NIPAL3: variants seen among roughly 807,000 people sequenced by gnomAD.
The protein encoded by NIPAL3 is NIPA-like protein 3.
NIPAL3 carries 41 observed loss-of-function variants against 47.2 expected under a neutral mutation model. The observed-to-expected ratio is 0.87, with a 90% confidence interval of 0.68 to 1.13. The LOEUF (loss-of-function observed/expected upper bound fraction) is 1.13. Ranked by LOEUF, NIPAL3 falls within the 50% of genes most tolerant of loss-of-function variation. NIPAL3 has a pLI of 0.00. For missense variants in NIPAL3, 449 were observed against 530.1 expected, an observed-to-expected ratio of 0.85 and a Z score of 1.50; for synonymous variants, 194 against 209.6, an observed-to-expected ratio of 0.93 and a Z score of 0.64.
intron 2 of NIPAL3, among the ~76,000 whole-genome samples, chr1:24,427,502 G>T (rs1186680478): frequency 6.6e-6 from 1 of 152,192 alleles, no homozygotes. Context: ...TTATGGAAAT[G>T]GCTTTTAAAA....
intron 9 of NIPAL3, among the ~76,000 whole-genome samples, chr1:24,459,588 T>C (rs1435360732): frequency 2.0e-5 from 3 of 152,270 alleles, no homozygotes; most frequent in African/African-American, 7.2e-5. Flanking sequence ...AACTAAGTGC[T>C]TTCCTTTGGT....
rs79403288 is a variant in NIPAL3, at chr1:24,418,764, G to A, written c.-257-527G>A. Among the ~76,000 whole-genome samples the A allele has an allele frequency of 4.4e-3, 665 of 152,218 alleles. 6 individuals carry two copies. Among genetic ancestry groups the A allele is most frequent in the African/African-American group, 0.013 (545 of 41,514 alleles). On this transcript the variant is annotated intron_variant, in intron 1 of 11. Coordinates refer to ENST00000374399, the MANE Select transcript of NIPAL3 (RefSeq NM_020448.5). ...AGAGGCAGAGTTACCTGGTCACACA[G>A]GTTTTCCACCTCCGAGACCAGTGTC... is the stretch of plus-strand genomic sequence containing the variant.
At chr1:24,461,025 A>T (rs547003163) in intron 10 of NIPAL3, among the ~76,000 whole-genome samples, 1 of 152,350 alleles carries the variant, frequency 6.6e-6, no homozygotes, top group African/African-American at 2.4e-5. Context: ...TCTTGGAAAA[A>T]TGCTTCAACA....
chr1:24,460,409 A>C, intron 9 of NIPAL3, 72 bp from the exon 10 acceptor site: 1 of 1,283,924 alleles, frequency 7.8e-7, no homozygotes, highest in Middle Eastern at 1.9e-4. Flanking sequence ...AGCTTAGCCA[A>C]ATCCTAGACA....
intron 11 of NIPAL3, among the ~76,000 whole-genome samples, chr1:24,467,442 C>T (rs754943199): frequency 1.1e-4 from 17 of 152,080 alleles, no homozygotes; most frequent in Non-Finnish European, 8.8e-5. Flanking sequence ...TGCACTCCAG[C>T]CTGGGTCTGG....
intron 6 of NIPAL3, among the ~76,000 whole-genome samples, chr1:24,450,153 A>G (rs370510422): frequency 1.3e-5 from 2 of 152,142 alleles, no homozygotes; most frequent in African/African-American, 4.8e-5. Flanking sequence ...TGTCAGTTTT[A>G]TTTTTTAGAG....
intron 4 of NIPAL3, among the ~76,000 whole-genome samples, chr1:24,443,336 T>G (rs2148812886): frequency 6.6e-6 from 1 of 152,336 alleles, no homozygotes; most frequent in Non-Finnish European, 1.5e-5. Flanking sequence ...AATATTTCTT[T>G]CCATTTTGCT....
intron 2 of NIPAL3, among the ~76,000 whole-genome samples, chr1:24,427,938 G>T (rs1056604317): frequency 2.6e-4 from 39 of 152,072 alleles, no homozygotes; most frequent in African/African-American, 8.0e-4. Context: ...CTTCCCCAGG[G>T]CAGGTCATAG....
At chr1:24,440,093 A>G in intron 2 of NIPAL3, 79 bp from the exon 3 acceptor site, 1 of 949,618 alleles carries the variant, frequency 1.1e-6, no homozygotes, top group Admixed American at 2.9e-5. Flanking sequence ...GGGGCAGCAA[A>G]TGGTTGAGTG....
intron 5 of NIPAL3, among the ~76,000 whole-genome samples, chr1:24,448,423 G>A (rs1427731732): frequency 1.3e-5 from 2 of 152,124 alleles, no homozygotes; most frequent in African/African-American, 2.4e-5. Context: ...GTAGAATATT[G>A]ATAGTAATTA....
intron 5 of NIPAL3, among the ~76,000 whole-genome samples, chr1:24,447,502 T>C (rs574741529): frequency 2.6e-5 from 4 of 152,102 alleles, no homozygotes; most frequent in Admixed American, 1.3e-4. Flanking sequence ...ATCATTGATA[T>C]AGAATAAGAT....
rs140114655 is a variant in NIPAL3 at position 24,441,472 on chromosome 1, C to T, written c.163-583C>T. Among the ~76,000 whole-genome samples the T allele has an allele frequency of 2.4e-3, 361 of 152,276 alleles. 1 individual carries two copies. Among genetic ancestry groups the T allele is most frequent in the African/African-American group, 8.0e-3 (334 of 41,546 alleles). On this transcript the variant is annotated intron_variant, in intron 3 of 11. Coordinates refer to ENST00000374399, the MANE Select transcript of NIPAL3 (RefSeq NM_020448.5). ...TTAGTTACTGCTTCAGTTTCGATGT[C>T]CCAGGTTCACATTTCCCCCCAAAAA...
In NIPAL3 at chr1:24,454,544, AT is replaced by A. The variant is rs1393098963; in HGVS notation, c.637+1046del. 8.1e-6 allele frequency: 8 copies of A among 989,470 alleles called. No individual in the cohort carries two copies. The South Asian group carries it at 2.3e-4, about 28-fold the overall frequency. 61.3% of individuals were successfully genotyped at this position (989,470 alleles called of 1,614,324 possible). ...TGTCACCGAAGACAGGGTTTCCTTAATTTTTTAACAGCTCTGTTGAGATATA... is the reference window on the plus strand; with the variant it reads ...TGTCACCGAAGACAGGGTTTCCTTAATTTTTAACAGCTCTGTTGAGATATA... On this transcript the variant is annotated intron_variant, in intron 7 of 11. Coordinates refer to ENST00000374399, the MANE Select transcript of NIPAL3 (RefSeq NM_020448.5). The surrounding 1 kb of genome is among the most constrained non-coding windows in gnomAD (Gnocchi z 4.1).
At position 24,454,826 on chromosome 1, in the gene NIPAL3, A is replaced by G. The variant is rs955133969; in HGVS notation, c.638-1312A>G. 3 of 152,360 alleles carry G rather than the reference A, an allele frequency of 2.0e-5. No individual in the cohort carries two copies. 9.4% of individuals were successfully genotyped at this position (152,360 alleles called of 1,614,324 possible). ...AAAGTCGTATGCTTTGTGGCCTGAT[A>G]TGACTGGCTTCTTTCACTGAGCATG... On this transcript the variant is annotated intron_variant, in intron 7 of 11. Coordinates refer to ENST00000374399, the MANE Select transcript of NIPAL3 (RefSeq NM_020448.5). This position sits in a 1 kb window ranked among gnomAD's most constrained non-coding sequence, Gnocchi z 4.1.
At chr1:24,432,545 C>A (rs1644924556) in intron 2 of NIPAL3, among the ~76,000 whole-genome samples, 1 of 152,198 alleles carries the variant, frequency 6.6e-6, no homozygotes, top group African/African-American at 2.4e-5. Flanking sequence ...CTGTTCCAGG[C>A]CTGTTATAGA....
At chr1:24,428,302 G>GAGAC (rs1242337378) in intron 2 of NIPAL3, among the ~76,000 whole-genome samples, 4 of 141,504 alleles carry the variant, frequency 2.8e-5, no homozygotes, top group Admixed American at 7.1e-5. Context: ...GAGAGAGAGA[G>GAGAC]ACACCAGAAC....
At chr1:24,425,721 G>T (rs1484284681) in intron 2 of NIPAL3, among the ~76,000 whole-genome samples, 1 of 152,120 alleles carries the variant, frequency 6.6e-6, no homozygotes, top group Non-Finnish European at 1.5e-5. Flanking sequence ...ATAACTTGGG[G>T]AAAATCATGT....
At chr1:24,413,750 G>A (rs973223891), upstream of NIPAL3, 2 of 152,282 alleles carry the variant, frequency 1.3e-5, no homozygotes, top group Admixed American at 6.5e-5. Flanking sequence ...TAACATTCGC[G>A]AGTCCACCTT....
Position 24,416,407 on chromosome 1 carries a change from A to C in NIPAL3, c.-258+503A>C. 1.1e-6 allele frequency: 1 copy of C among 883,676 alleles called. No homozygotes were observed. Among genetic ancestry groups the C allele is most frequent in the Non-Finnish European group, 1.4e-6 (1 of 737,030 alleles). The allele number at this position is 883,676 out of a possible 1,614,324, so 54.7% of individuals were successfully genotyped here. A position where few individuals can be genotyped will look rare whatever the true frequency, so the allele number is the denominator to read the frequency against. On this transcript the variant is annotated intron_variant, in intron 1 of 11. Coordinates refer to ENST00000374399, the MANE Select transcript of NIPAL3 (RefSeq NM_020448.5). This position sits in a 1 kb window ranked among gnomAD's most constrained non-coding sequence, Gnocchi z 4.8. ...GAACTGGCGCTCACCTCCAGAAGCC[A>C]GATCGTCGGGTGGTGGGAAAGAGCG...
Sources: allele counts gnomAD v4.1 joint callset (sites outside exome capture counted in the v4.1 genomes callset), GRCh38; gene constraint gnomAD v4.1.1; non-coding constraint Gnocchi (gnomAD v3.1); transcripts MANE v1.5; gene names NCBI Gene and HGNC (gene_info 2026-07-23, HGNC 2026-07-21).